The following PPM1H variants were observed in gnomAD, a reference collection of about 807,000 sequenced individuals.
PPM1H encodes protein phosphatase 1H.
A neutral mutation model predicts 54.9 loss-of-function variants in PPM1H; 27 were observed. The ratio of observed to expected loss-of-function variants is 0.49; its 90% confidence interval spans 0.36 to 0.68. PPM1H has a LOEUF of 0.68. Ranked by LOEUF, PPM1H falls within the 30% of genes least tolerant of loss-of-function variation. PPM1H has a pLI of 0.00. For missense variants in PPM1H, 596 were observed against 667.8 expected (o/e 0.89, Z 1.19); for synonymous variants, 305 against 270.8 (o/e 1.13, Z -1.24).
intron 9 of PPM1H, among the ~76,000 whole-genome samples, chr12:62,666,530 T>G (rs1417951742): frequency 6.6e-6 from 1 of 152,158 alleles, no homozygotes; most frequent in African/African-American, 2.4e-5. Context: ...AGTGCTGGGG[T>G]GCATTTGCCA....
Position 62,878,760 on chromosome 12 carries a change from C to T in PPM1H, c.246-46481G>A, listed in dbSNP as rs898412995. ...TTCGAGACCAGCCTGGCCAACATGG[C>T]GAAACCCCATCTCTACTAAAAATAC... On this transcript the variant is annotated intron_variant, in intron 1 of 9. Transcript: ENST00000228705. Among the ~76,000 whole-genome samples, 6 of 149,862 alleles carry T rather than the reference C, an allele frequency of 4.0e-5. No homozygotes were observed. In the East Asian group the frequency reaches 5.9e-4, roughly 15 times the overall value.
At chr12:62,677,968 G>C (rs2075997340) in intron 8 of PPM1H, among the ~76,000 whole-genome samples, 2 of 152,084 alleles carry the variant, frequency 1.3e-5, no homozygotes, top group Admixed American at 1.3e-4. Flanking sequence ...ACAGGGTCTT[G>C]CTCTGTTGCC....
Position 62,900,532 on chromosome 12 carries a change from T to TAAG in PPM1H, c.245+33959_245+33960insCTT, listed in dbSNP as rs138035224. On this transcript the variant is annotated intron_variant, in intron 1 of 9. Transcript: ENST00000228705. ...CACATGTACCCTAGAACTTAAAATG[T>TAAG]AATAATAATAATAATAATAATAAAG... 6.8e-4 allele frequency among the ~76,000 whole-genome samples: 16 copies of TAAG among 23,380 alleles called. No homozygotes were observed. In the East Asian group the frequency reaches 7.5e-3, roughly 11 times the overall value. 15.3% of individuals were successfully genotyped at this position (23,380 alleles called of 152,430 possible). A position where few individuals can be genotyped will look rare whatever the true frequency, so the allele number is the denominator to read the frequency against.
chr12:62,841,892 G>A (rs918693904), intron 1 of PPM1H, among the ~76,000 whole-genome samples: 2 of 152,114 alleles, frequency 1.3e-5, no homozygotes, highest in Non-Finnish European at 2.9e-5. Context: ...CTTCATATTG[G>A]TTGTTTAGAA....
chr12:62,685,132 T>TTTAGCTTAATGG (rs2076044298), intron 8 of PPM1H, among the ~76,000 whole-genome samples: 1 of 152,130 alleles, frequency 6.6e-6, no homozygotes, highest in Admixed American at 6.6e-5. Flanking sequence ...TACATACCCA[T>TTTAGCTTAATGG]TAAGCTAAAT....
At chr12:62,780,998 A>C (rs371399122) in intron 4 of PPM1H, among the ~76,000 whole-genome samples, 2 of 152,238 alleles carry the variant, frequency 1.3e-5, no homozygotes, top group East Asian at 3.8e-4. Flanking sequence ...AGTGTGTAAG[A>C]GACACGGGAC....
chr12:62,817,130 A>G (rs868588930), intron 2 of PPM1H, among the ~76,000 whole-genome samples: 2,687 of 124,374 alleles, frequency 0.022, 50 homozygotes, highest in African/African-American at 0.077. Context: ...AAAAAAAAAA[A>G]AAAAAAGAAA....
intron 2 of PPM1H, among the ~76,000 whole-genome samples, chr12:62,817,161 G>T (rs200454766): frequency 4.1e-4 from 31 of 75,266 alleles, no homozygotes; most frequent in South Asian, 1.4e-3. Flanking sequence ...CTAAAAAAAA[G>T]AAAAAAAAAA....
At chr12:62,857,149 G>A (rs1366906139) in intron 1 of PPM1H, among the ~76,000 whole-genome samples, 1 of 152,082 alleles carries the variant, frequency 6.6e-6, no homozygotes, top group African/African-American at 2.4e-5. Context: ...GAGAAAGGAG[G>A]GATGTAACTT....
At chr12:62,851,041 G>A (rs985353228) in intron 1 of PPM1H, 14 of 152,164 alleles carry the variant, frequency 9.2e-5, no homozygotes, top group Admixed American at 2.0e-4. Context: ...TGAAATACAT[G>A]TATTTTTTAA....
intron 1 of PPM1H, among the ~76,000 whole-genome samples, chr12:62,872,423 A>G (rs1870019595): frequency 6.6e-6 from 1 of 152,204 alleles, no homozygotes; most frequent in Admixed American, 6.5e-5. Flanking sequence ...AATCACAATG[A>G]ATTTTACAAA....
At chr12:62,915,256 G>T (rs1871584020) in intron 1 of PPM1H, among the ~76,000 whole-genome samples, 1 of 152,192 alleles carries the variant, frequency 6.6e-6, no homozygotes, top group Non-Finnish European at 1.5e-5. Context: ...AAAGAAACTT[G>T]GCTTAGGGTT....
intron 3 of PPM1H, among the ~76,000 whole-genome samples, chr12:62,791,565 T>TC (rs1294537100): frequency 6.6e-6 from 1 of 152,232 alleles, no homozygotes; most frequent in Non-Finnish European, 1.5e-5. Flanking sequence ...GACTATTTTT[T>TC]CACTGTCAGA....
chr12:62,760,408 C>T (rs944106128), intron 4 of PPM1H, among the ~76,000 whole-genome samples: 17 of 152,124 alleles, frequency 1.1e-4, no homozygotes, highest in African/African-American at 4.1e-4. Context: ...ACCTCCTCCC[C>T]AGGCTGCTCC....
intron 1 of PPM1H, among the ~76,000 whole-genome samples, chr12:62,852,982 G>GA (rs1304221109): frequency 6.6e-6 from 1 of 152,148 alleles, no homozygotes; most frequent in Non-Finnish European, 1.5e-5. Context: ...GAAACAACTA[G>GA]AAAAAACTAA....
chr12:62,684,853 C>T (rs537029009), intron 8 of PPM1H, among the ~76,000 whole-genome samples: 1 of 152,218 alleles, frequency 6.6e-6, no homozygotes, highest in Admixed American at 6.5e-5. Context: ...CCAACAGAGG[C>T]CACTTCTCAT....
chr12:62,789,658 C>G (rs780027481), intron 3 of PPM1H, among the ~76,000 whole-genome samples: 7 of 152,176 alleles, frequency 4.6e-5, no homozygotes, highest in Non-Finnish European at 1.0e-4. Context: ...TCATATCGTC[C>G]TCAAGACCAT....
At chr12:62,905,137 C>T (rs1871268203) in intron 1 of PPM1H, among the ~76,000 whole-genome samples, 1 of 152,164 alleles carries the variant, frequency 6.6e-6, no homozygotes, top group Non-Finnish European at 1.5e-5. Context: ...AGGGTTGTTA[C>T]AACAATTAAA....
chr12:62,887,909 A>G (rs1052116708), intron 1 of PPM1H, among the ~76,000 whole-genome samples: 2 of 152,142 alleles, frequency 1.3e-5, no homozygotes, highest in African/African-American at 4.8e-5. Context: ...AGAGAACAGA[A>G]ATGAAGCCAG....
Sources: gnomAD v4.1 joint callset for allele counts (sites outside exome capture counted in the v4.1 genomes callset) on GRCh38, gnomAD v4.1.1 for gene constraint, MANE v1.5 for transcripts, NCBI Gene and HGNC (gene_info 2026-07-23, HGNC 2026-07-21) for gene names.